Variants in LRRC37A2 observed in about 807,000 individuals in gnomAD.
LRRC37A2 encodes the protein leucine rich repeat containing 37 member A2, also known as leucine-rich repeat-containing protein 37A2.
Under a neutral mutation model 68.8 loss-of-function variants are expected in LRRC37A2, and 9 were observed. The ratio of observed to expected loss-of-function variants is 0.13; its 90% CI spans 0.08 to 0.23. The LOEUF is 0.23. LRRC37A2 is among the 10% of genes least tolerant of loss of function. LRRC37A2 has a pLI of 1.00. For missense variants in LRRC37A2, 168 were observed against 950.4 expected (o/e 0.18, Z 10.82); for synonymous variants, 63 against 367.6 (o/e 0.17, Z 9.48).
At chr17:46,725,217 G>C in the LRRC37A2 span, among the ~76,000 whole-genome samples, 1 of 152,168 alleles carries the variant, frequency 6.6e-6, no homozygotes, top group South Asian at 2.1e-4. Flanking sequence ...TTCAACCATT[G>C]AACCTACAGA....
the LRRC37A2 span, among the ~76,000 whole-genome samples, chr17:46,781,467 G>C: frequency 6.6e-6 from 1 of 151,672 alleles, no homozygotes; most frequent in Non-Finnish European, 1.5e-5. Flanking sequence ...GAAGAAACTT[G>C]AAAACAAGCT....
the LRRC37A2 span, among the ~76,000 whole-genome samples, chr17:46,734,524 C>T: frequency 6.6e-6 from 1 of 151,996 alleles, no homozygotes. Context: ...TTGGAAAGTC[C>T]TTTGTAGATT....
At chr17:46,929,469 G>A in the LRRC37A2 span, 2 of 906,030 alleles carry the variant, frequency 2.2e-6, no homozygotes, top group Admixed American at 1.7e-5. Context: ...CCTGACTGAA[G>A]CGCTGTTGAT....
At chr17:46,950,553 A>C in the LRRC37A2 span, among the ~76,000 whole-genome samples, 1 of 152,246 alleles carries the variant, frequency 6.6e-6, no homozygotes, top group Non-Finnish European at 1.5e-5. Flanking sequence ...CAGGCAGCTT[A>C]TTAGGCCCAT....
At chr17:46,806,207 CTTTTTTTTTTTT>C in the LRRC37A2 span, among the ~76,000 whole-genome samples, 3 of 75,658 alleles carry the variant, frequency 4.0e-5, no homozygotes, top group Admixed American at 3.1e-4. Context: ...TTTTCTTTTC[CTTTTTTTTTTTT>C]TTTTTTTTTG....
the LRRC37A2 span, among the ~76,000 whole-genome samples, chr17:46,994,521 T>C: frequency 3.9e-5 from 6 of 152,132 alleles, no homozygotes; most frequent in African/African-American, 1.2e-4. Flanking sequence ...TGCTAGCTAC[T>C]TGGGTGTGTT....
At chr17:46,750,188 A>G in the LRRC37A2 span, among the ~76,000 whole-genome samples, 2 of 152,166 alleles carry the variant, frequency 1.3e-5, no homozygotes, top group Admixed American at 6.5e-5. Context: ...CCCTGTCTCT[A>G]CTAAAAATAC....
chr17:46,982,101 G>C, the LRRC37A2 span, among the ~76,000 whole-genome samples: 1 of 152,160 alleles, frequency 6.6e-6, no homozygotes, highest in South Asian at 2.1e-4. Context: ...AGCTGGCCTG[G>C]CGCAAAGGCA....
chr17:46,749,358 C>T, the LRRC37A2 span, among the ~76,000 whole-genome samples: 2 of 152,310 alleles, frequency 1.3e-5, no homozygotes, highest in African/African-American at 4.8e-5. Flanking sequence ...TTACCCTGCT[C>T]CTTCTAAAAA....
the LRRC37A2 span, among the ~76,000 whole-genome samples, chr17:47,007,168 CT>C: frequency 6.6e-6 from 1 of 151,924 alleles, no homozygotes; most frequent in Non-Finnish European, 1.5e-5. Flanking sequence ...GATTTTCTTT[CT>C]TTTTTTTCTT....
At chr17:46,960,955 C>T in the LRRC37A2 span, among the ~76,000 whole-genome samples, 9 of 151,750 alleles carry the variant, frequency 5.9e-5, no homozygotes, top group East Asian at 9.7e-4. Context: ...TAGTGCTCTA[C>T]GTCAAAAAAG....
At chr17:46,978,486 C>G in the LRRC37A2 span, 1 of 816,258 alleles carries the variant, frequency 1.2e-6, no homozygotes, top group Non-Finnish European at 1.8e-6. Context: ...AGTCCCTTCC[C>G]GCGCCCCCGC....
the LRRC37A2 span, among the ~76,000 whole-genome samples, chr17:46,754,306 G>A: frequency 6.6e-6 from 1 of 150,666 alleles, no homozygotes; most frequent in Non-Finnish European, 1.5e-5. Flanking sequence ...TCTGTTCAGT[G>A]TTTTTCTGGG....
At chr17:47,040,017 T>C in the LRRC37A2 span, among the ~76,000 whole-genome samples, 10 of 152,148 alleles carry the variant, frequency 6.6e-5, no homozygotes, top group African/African-American at 2.2e-4. Flanking sequence ...GGCTCCTTTT[T>C]ATGGTTTCTA....
chr17:46,711,138 A>T, the LRRC37A2 span: 2 of 1,481,892 alleles, frequency 1.3e-6, no homozygotes, highest in East Asian at 2.7e-5. Context: ...GAATGAGGAG[A>T]TGGCATTAAA....
chr17:46,772,751 G>A, the LRRC37A2 span, among the ~76,000 whole-genome samples: 1 of 152,234 alleles, frequency 6.6e-6, no homozygotes, highest in East Asian at 1.9e-4. Flanking sequence ...CTAAAATGGG[G>A]GTTGTCAGCT....
At chr17:46,765,243 G>C in the LRRC37A2 span, among the ~76,000 whole-genome samples, 4 of 152,348 alleles carry the variant, frequency 2.6e-5, no homozygotes, top group Admixed American at 2.6e-4. Flanking sequence ...CCAGATTGAA[G>C]GGACACATCC....
At chr17:46,667,441 C>T in the LRRC37A2 span, among the ~76,000 whole-genome samples, 5 of 149,024 alleles carry the variant, frequency 3.4e-5, no homozygotes, top group African/African-American at 9.9e-5. Context: ...TGGTGATAGA[C>T]GATGTCAGGT....
chr17:46,713,821 T>A, the LRRC37A2 span: 6 of 1,596,898 alleles, frequency 3.8e-6, no homozygotes, highest in Non-Finnish European at 5.1e-6. Flanking sequence ...AGGTTGGCTT[T>A]TTTCCCCTGA....
Sources: gnomAD v4.1 joint callset for allele counts (sites outside exome capture counted in the v4.1 genomes callset) on GRCh38, gnomAD v4.1.1 for gene constraint, MANE v1.5 for transcripts, NCBI Gene and HGNC (gene_info 2026-07-23, HGNC 2026-07-21) for gene names.